SBNO2: variants seen among roughly 807,000 people sequenced by gnomAD.
SBNO2 encodes the protein strawberry notch homolog 2.
In SBNO2, 89 loss-of-function variants were observed where a neutral mutation model predicts 146.3. The observed-to-expected ratio is 0.61, with a 90% CI of 0.51 to 0.73. The LOEUF (loss-of-function observed/expected upper bound fraction) is 0.73, where lower values mean the gene tolerates loss of function less well. Ranked by LOEUF, SBNO2 falls within the 30% of genes least tolerant of loss-of-function variation. The pLI, the probability that SBNO2 is intolerant of heterozygous loss-of-function variation, is 0.00. For missense variants in SBNO2, 2,092 were observed against 2,003.7 expected (o/e 1.04, Z -0.84); for synonymous variants, 1,147 against 892.6 (o/e 1.29, Z -5.08).
Position 1,144,837 on chromosome 19 carries a change from CAG to C in SBNO2, c.279+2470_279+2471del, listed in dbSNP as rs760746350. Among the ~76,000 whole-genome samples, 6 of 110,620 alleles carry C rather than the reference CAG, an allele frequency of 5.4e-5. No individual in the cohort carries two copies. Among genetic ancestry groups the C allele is most frequent in the Admixed American group, 1.8e-4 (2 of 11,108 alleles). The allele number at this position is 110,620 out of a possible 152,430, so 72.6% of individuals were successfully genotyped here. On this transcript the variant is annotated intron_variant, in intron 4 of 31. Coordinates refer to ENST00000361757, the MANE Select transcript of SBNO2 (RefSeq NM_014963.3). The surrounding 1 kb of genome is among the most constrained non-coding windows in gnomAD (Gnocchi z 4.1). Reference sequence around the variant, plus strand: ...AGAGACAGAGAGGGAGACAGAGAGACAGGGGCAGAGACAAGCAGAGAGGGAGA... The same window carrying C: ...AGAGACAGAGAGGGAGACAGAGAGACGGGCAGAGACAAGCAGAGAGGGAGA...
chr19:1,127,796 G>A, intron 4 of SBNO2, 31 bp from the exon 5 acceptor site: 1 of 1,603,600 alleles, frequency 6.2e-7, no homozygotes, highest in Non-Finnish European at 8.5e-7. Context: ...CGGTGAGGGT[G>A]GTACGGGAGA....
At chr19:1,145,619 A>G (rs745936612) in intron 4 of SBNO2, among the ~76,000 whole-genome samples, 32 of 152,220 alleles carry the variant, frequency 2.1e-4, no homozygotes, top group Non-Finnish European at 3.4e-4. Context: ...GCGGTGAGGA[A>G]GGAGCCACTG....
intron 13 of SBNO2, 88 bp downstream of exon 13, chr19:1,119,428 C>G: frequency 9.3e-7 from 1 of 1,072,930 alleles, no homozygotes; most frequent in Non-Finnish European, 1.4e-6. Context: ...GGGAAGCACA[C>G]GTGGCAGTGC....
chr19:1,167,158 C>T (rs57813069), intron 1 of SBNO2, among the ~76,000 whole-genome samples: 40,262 of 152,210 alleles, frequency 0.26, 6,294 homozygotes, highest in East Asian at 0.45. Flanking sequence ...TGGAGCTACG[C>T]ACCCTGTCCT....
rs77672535 is a variant in SBNO2, at chr19:1,140,440, G to C, written c.279+6869C>G. 2.0e-5 allele frequency among the ~76,000 whole-genome samples: 3 copies of C among 152,138 alleles called. No homozygotes were observed. Among genetic ancestry groups the C allele is most frequent in the Non-Finnish European group, 4.4e-5 (3 of 68,020 alleles). ...CAGGGACATTGAGCCTGATGGCTTC[G>C]CGCCAACCTGGAGACGGAAGGCTGA... On this transcript the variant is annotated intron_variant, in intron 4 of 31. Coordinates refer to ENST00000361757, the MANE Select transcript of SBNO2 (RefSeq NM_014963.3). This position sits in a 1 kb window ranked among gnomAD's most constrained non-coding sequence, Gnocchi z 4.4.
chr19:1,122,592 T>A, intron 9 of SBNO2, 34 bp from the exon 10 acceptor site: 1 of 1,455,730 alleles, frequency 6.9e-7, no homozygotes, highest in Non-Finnish European at 9.2e-7. Context: ...CGCCCACCCT[T>A]CCCCCTCGCC....
At chr19:1,169,289 G>A (rs1218280836) in intron 1 of SBNO2, 1 of 152,314 alleles carries the variant, frequency 6.6e-6, no homozygotes, top group African/African-American at 2.4e-5. Context: ...CAGGGCAAGA[G>A]GCCCAGGGGA....
chr19:1,159,958 C>T (rs1171735790), intron 1 of SBNO2, among the ~76,000 whole-genome samples: 4 of 152,126 alleles, frequency 2.6e-5, no homozygotes, highest in African/African-American at 9.6e-5. Context: ...GAGGGAGACC[C>T]CAGAGTGTCC....
chr19:1,155,471 C>G (rs762397205), intron 1 of SBNO2, among the ~76,000 whole-genome samples: 1 of 152,216 alleles, frequency 6.6e-6, no homozygotes, highest in Non-Finnish European at 1.5e-5. Context: ...CCACTGCCAC[C>G]AGAGCTGGGA....
chr19:1,131,252 G>A (rs1037961426), intron 4 of SBNO2, among the ~76,000 whole-genome samples: 5 of 152,102 alleles, frequency 3.3e-5, no homozygotes, highest in Non-Finnish European at 5.9e-5. Context: ...CCAGGGAACC[G>A]GGCCCCTCTG....
Position 1,173,227 on chromosome 19 carries a change from C to G in SBNO2, c.-127+945G>C, listed in dbSNP as rs927965608. Among the ~76,000 whole-genome samples, 1 of 152,090 alleles carries G rather than the reference C, an allele frequency of 6.6e-6. No homozygotes were observed. Among genetic ancestry groups the G allele is most frequent in the Non-Finnish European group, 1.5e-5 (1 of 68,004 alleles). Reference sequence around the variant, plus strand: ...AAGAGTGCCCTACGGGGGACAGGACCCACCAGGAGGCCTGCGCTTCCCCTT... The same window carrying G: ...AAGAGTGCCCTACGGGGGACAGGACGCACCAGGAGGCCTGCGCTTCCCCTT... On this transcript the variant is annotated intron_variant, in intron 1 of 31. Transcript: ENST00000361757. The surrounding 1 kb of genome is among the most constrained non-coding windows in gnomAD (Gnocchi z 4.7).
intron 4 of SBNO2, among the ~76,000 whole-genome samples, chr19:1,143,729 G>C (rs933870048): frequency 6.6e-6 from 1 of 152,120 alleles, no homozygotes; most frequent in Admixed American, 6.5e-5. Context: ...CCTCTCATGA[G>C]GGCCCTGTGA....
At chr19:1,165,057 G>A (rs1464305824) in intron 1 of SBNO2, among the ~76,000 whole-genome samples, 1 of 152,000 alleles carries the variant, frequency 6.6e-6, no homozygotes, top group Non-Finnish European at 1.5e-5. Flanking sequence ...CCACTGCCCT[G>A]AAGCAAACAA....
chr19:1,170,994 A>G (rs961172251), intron 1 of SBNO2, among the ~76,000 whole-genome samples: 1 of 152,086 alleles, frequency 6.6e-6, no homozygotes, highest in African/African-American at 2.4e-5. Flanking sequence ...ATACGAGGAC[A>G]GGCACACAGG....
Position 1,120,029 on chromosome 19 carries a change from G to C in SBNO2, c.1150-6C>G, listed in dbSNP as rs2079881743. On this transcript the variant is annotated splice_polypyrimidine_tract_variant and splice_region_variant and intron_variant, in intron 11 of 31. Coordinates refer to ENST00000361757, the MANE Select transcript of SBNO2 (RefSeq NM_014963.3). Reference sequence around the variant, plus strand: ...TGACACTCGTCGAACACGATCTGAGGCACACGTGGGTTAAGGAGTATTCTG... The same window carrying C: ...TGACACTCGTCGAACACGATCTGAGCCACACGTGGGTTAAGGAGTATTCTG... The C allele has an allele frequency of 6.5e-7, 1 of 1,549,242 alleles. No homozygotes were observed. Among genetic ancestry groups the C allele is most frequent in the Non-Finnish European group, 8.7e-7 (1 of 1,145,790 alleles).
chr19:1,131,940 G>C (rs1313700517), intron 4 of SBNO2: 1 of 496,380 alleles, frequency 2.0e-6, no homozygotes, highest in Non-Finnish European at 3.5e-6. Context: ...CGGACGGGGC[G>C]GGGTGGGGAT....
chr19:1,117,070 AAC>A (rs2079841416), intron 15 of SBNO2, 144 bp from the exon 16 acceptor site: 5 of 829,818 alleles, frequency 6.0e-6, no homozygotes, highest in Non-Finnish European at 9.3e-6. Flanking sequence ...GCCCCCCTAC[AAC>A]ACACACTGCT....
At chr19:1,152,800 A>G (rs1384974646) in intron 2 of SBNO2, among the ~76,000 whole-genome samples, 1 of 152,166 alleles carries the variant, frequency 6.6e-6, no homozygotes, top group Non-Finnish European at 1.5e-5. Flanking sequence ...GAGACCCTGG[A>G]GTCCTGGAGC....
chr19:1,120,292 G>A lies in SBNO2; in HGVS notation c.1150-269C>T, dbSNP rs919918886. On this transcript the variant is annotated intron_variant, in intron 11 of 31. Transcript: ENST00000361757. ...ACACACCGAGGATGGGGCCTCCGGC[G>A]AGGAAGGGTGGGATCCCTAAACCAT... Among the ~76,000 whole-genome samples, 7 of 152,220 alleles carry A rather than the reference G, an allele frequency of 4.6e-5. No individual in the cohort carries two copies. In the South Asian group the frequency reaches 6.2e-4, roughly 13 times the overall value.
Sources: gnomAD v4.1 joint callset for allele counts (sites outside exome capture counted in the v4.1 genomes callset) on GRCh38, gnomAD v4.1.1 for gene constraint, Gnocchi (gnomAD v3.1) non-coding constraint, MANE v1.5 for transcripts, NCBI Gene and HGNC (gene_info 2026-07-23, HGNC 2026-07-21) for gene names.